PCDHGA6: variants seen among roughly 807,000 people sequenced by gnomAD.
The protein encoded by PCDHGA6 is protocadherin gamma subfamily A, 6.
PCDHGA6 carries 41 observed loss-of-function variants against 60.6 expected under a neutral mutation model. The observed-to-expected ratio is 0.68, with a 90% CI of 0.53 to 0.88. The LOEUF is 0.88. PCDHGA6 is among the 40% of genes least tolerant of loss of function. PCDHGA6 has a pLI of 0.00. For synonymous variants in PCDHGA6, 594 were observed against 524.4 expected (o/e 1.13, Z -1.81); for missense variants, 1,312 against 1,203.0 (o/e 1.09, Z -1.34).
Position 141,375,947 on chromosome 5 carries a change from C to A in PCDHGA6, c.1864C>A (p.His622Asn). The change falls in exon 1 of 4, where the codon CAC (histidine) becomes AAC (asparagine). Residue 622 changes from histidine to asparagine, a missense_variant. Coordinates refer to ENST00000517434, the MANE Select transcript of PCDHGA6 (RefSeq NM_018919.3). ...GCCAGGACTTTTCTCAGTGGGCCTGCACACGGGCGAGGTGCGCACGGCGCG... is the reference window on the plus strand; with the variant it reads ...GCCAGGACTTTTCTCAGTGGGCCTGAACACGGGCGAGGTGCGCACGGCGCG... ...SEPGLFSVGLHTGEVRTARAL... is the reference protein window; with the variant it reads ...SEPGLFSVGLNTGEVRTARAL... The A allele has an allele frequency of 1.2e-6, 2 of 1,613,578 alleles. No individual in the cohort carries two copies. The highest frequency in any genetic ancestry group is 8.5e-7 in the Non-Finnish European group (1 of 1,179,952).
chr5:141,456,335 G>A (rs2098850730), intron 1 of PCDHGA6, among the ~76,000 whole-genome samples: 1 of 152,114 alleles, frequency 6.6e-6, no homozygotes. Flanking sequence ...TTGATCTAAG[G>A]GTCCTCGGAA....
intron 1 of PCDHGA6, among the ~76,000 whole-genome samples, chr5:141,472,935 A>G (rs1593400204): frequency 6.6e-6 from 1 of 150,778 alleles, no homozygotes; most frequent in East Asian, 1.9e-4. Context: ...GTGGTGAGCC[A>G]AGATTATGCC....
rs370284141 is a variant in PCDHGA6, at chr5:141,421,654, G to A, written c.2424+45147G>A. On this transcript the variant is annotated intron_variant, in intron 1 of 3. Coordinates refer to ENST00000517434, the MANE Select transcript of PCDHGA6 (RefSeq NM_018919.3). ...CCAGGAGGACGAAGTGGAGATAAAA[G>A]TCAGTGAGCACGCAATTCCTGGGGC... The A allele has an allele frequency of 3.5e-5, 57 of 1,613,746 alleles. No individual in the cohort carries two copies. Among genetic ancestry groups the A allele is most frequent in the Admixed American group, 5.0e-5 (3 of 59,974 alleles).
In PCDHGA6 at chr5:141,503,243, C is replaced by T. The variant is rs146741382; in HGVS notation, c.2484-2150C>T. Among the ~76,000 whole-genome samples the T allele has an allele frequency of 3.1e-4, 47 of 152,198 alleles. No individual in the cohort carries two copies. The East Asian group carries it at 8.9e-3, about 29-fold the overall frequency. ...CACCGTAAAGATGGACAGTTTCTAT[C>T]ATACTCACAGCCACAACCCCAGCAC... On this transcript the variant is annotated intron_variant, in intron 2 of 3. Coordinates refer to ENST00000517434, the MANE Select transcript of PCDHGA6 (RefSeq NM_018919.3).
intron 1 of PCDHGA6, chr5:141,405,262 C>T (rs1352663124): frequency 1.9e-6 from 3 of 1,614,012 alleles, no homozygotes; most frequent in Non-Finnish European, 2.5e-6. Context: ...ACCTGATCTT[C>T]CCCCAGCCCA....
In PCDHGA6 at chr5:141,432,908, C is replaced by T. The variant is rs757934634; in HGVS notation, c.2424+56401C>T. On this transcript the variant is annotated intron_variant, in intron 1 of 3. Transcript: ENST00000517434. This position sits in a 1 kb window ranked among gnomAD's most constrained non-coding sequence, Gnocchi z 6.0. Reference sequence around the variant, plus strand: ...CATCTTGCTGCTGGCGCTCAGGCTGCGGCGCTGGCACAAGTCACGCCTGCT... The same window carrying T: ...CATCTTGCTGCTGGCGCTCAGGCTGTGGCGCTGGCACAAGTCACGCCTGCT... 3.7e-5 allele frequency: 60 copies of T among 1,614,050 alleles called. No individual in the cohort carries two copies. Among genetic ancestry groups the T allele is most frequent in the Middle Eastern group, 3.3e-4 (2 of 6,082 alleles).
At chr5:141,497,848 T>C (rs2099779951) in intron 2 of PCDHGA6, among the ~76,000 whole-genome samples, 1 of 152,178 alleles carries the variant, frequency 6.6e-6, no homozygotes, top group South Asian at 2.1e-4. Flanking sequence ...AACAAACATT[T>C]TTGATTCAGC....
At chr5:141,455,605 T>C (rs930071553) in intron 1 of PCDHGA6, among the ~76,000 whole-genome samples, 2 of 152,098 alleles carry the variant, frequency 1.3e-5, no homozygotes, top group African/African-American at 4.8e-5. Flanking sequence ...TAGGGCGCCA[T>C]GGATGTTCTA....
At chr5:141,428,187 C>A in intron 1 of PCDHGA6, 1 of 1,439,502 alleles carries the variant, frequency 6.9e-7, no homozygotes, top group Non-Finnish European at 9.6e-7. Flanking sequence ...GGACAGCCGC[C>A]GCTCTCTGCG....
intron 1 of PCDHGA6, chr5:141,404,898 A>G (rs760424169): frequency 1.9e-6 from 3 of 1,613,714 alleles, no homozygotes; most frequent in Non-Finnish European, 2.5e-6. Context: ...GTACAGGACC[A>G]TGGCCAGCCC....
At chr5:141,400,539 T>C (rs1339848826) in intron 1 of PCDHGA6, 7 of 1,613,782 alleles carry the variant, frequency 4.3e-6, no homozygotes, top group African/African-American at 4.0e-5. Context: ...GTTTCATTTA[T>C]GTCTATTCTT....
intron 1 of PCDHGA6, chr5:141,377,279 A>T (rs1256145515): frequency 1.3e-5 from 2 of 152,110 alleles, no homozygotes; most frequent in Admixed American, 1.3e-4. Flanking sequence ...TGGGAAAAAA[A>T]ATAACCTTAA....
rs922804811 is a variant in PCDHGA6 at position 141,432,794 on chromosome 5, G to A, written c.2424+56287G>A. On this transcript the variant is annotated intron_variant, in intron 1 of 3. Coordinates refer to ENST00000517434, the MANE Select transcript of PCDHGA6 (RefSeq NM_018919.3). This position sits in a 1 kb window ranked among gnomAD's most constrained non-coding sequence, Gnocchi z 6.0. ...AGTCCTGGCGGACCTCGGCAGCCTC[G>A]AGTCTCCAGCTAACTCTGAAACCTC... The A allele has an allele frequency of 3.7e-6, 6 of 1,614,138 alleles. No homozygotes were observed. Among genetic ancestry groups the A allele is most frequent in the Non-Finnish European group, 5.1e-6 (6 of 1,180,000 alleles).
intron 1 of PCDHGA6, chr5:141,423,907 G>C: frequency 7.9e-7 from 1 of 1,271,360 alleles, no homozygotes. Context: ...TTTCAAAGGG[G>C]CCATTCAACT....
At chr5:141,389,512 A>T in intron 1 of PCDHGA6, 1 of 1,613,138 alleles carries the variant, frequency 6.2e-7, no homozygotes, top group Non-Finnish European at 8.5e-7. Context: ...CTCAGCGCGA[A>T]CGTGAGCCTG....
intron 1 of PCDHGA6, chr5:141,398,966 C>T: frequency 6.2e-7 from 1 of 1,613,962 alleles, no homozygotes; most frequent in Non-Finnish European, 8.5e-7. Flanking sequence ...ATTACTTATT[C>T]CTTCTACAGA....
intron 1 of PCDHGA6, chr5:141,416,087 G>A (rs1201318552): frequency 1.2e-5 from 2 of 165,800 alleles, no homozygotes; most frequent in East Asian, 3.3e-4. Flanking sequence ...TTCCCAAGGA[G>A]AAGGGCAATA....
At chr5:141,419,172 T>A in intron 1 of PCDHGA6, 1 of 1,613,914 alleles carries the variant, frequency 6.2e-7, no homozygotes, top group Non-Finnish European at 8.5e-7. Context: ...AGCAAAACCA[T>A]AACCCTGCAC....
rs62379205 is a variant in PCDHGA6, at chr5:141,491,971, T to G, written c.2425-2836T>G. On this transcript the variant is annotated intron_variant, in intron 1 of 3. Coordinates refer to ENST00000517434, the MANE Select transcript of PCDHGA6 (RefSeq NM_018919.3). This position sits in a 1 kb window ranked among gnomAD's most constrained non-coding sequence, Gnocchi z 6.9. ...CCTACACTCAAAAAAGGCCGGGGCC[T>G]CCTTCGAGCTTCCGGTGAATTTCGG... The G allele has an allele frequency of 3.6e-6, 3 of 831,948 alleles. No homozygotes were observed. Among genetic ancestry groups the G allele is most frequent in the Admixed American group, 3.7e-5 (1 of 26,692 alleles). The allele number at this position is 831,948 out of a possible 1,614,324, so 51.5% of individuals were successfully genotyped here.
Sources: allele counts gnomAD v4.1 joint callset (sites outside exome capture counted in the v4.1 genomes callset), GRCh38; gene constraint gnomAD v4.1.1; non-coding constraint Gnocchi (gnomAD v3.1); transcripts MANE v1.5; gene names NCBI Gene and HGNC (gene_info 2026-07-23, HGNC 2026-07-21).